The following IGSF11 variants were observed in gnomAD, a reference collection of about 807,000 sequenced individuals.
IGSF11 encodes immunoglobulin superfamily member 11.
In IGSF11, 22 loss-of-function variants were observed where a neutral mutation model predicts 41.0. That is an observed-to-expected ratio of 0.54 (90% CI 0.38 to 0.77). The LOEUF (loss-of-function observed/expected upper bound fraction) is 0.77. Among genes scored for constraint, IGSF11 ranks in the 30% least tolerant of loss-of-function variants. IGSF11 has a pLI of 0.00. For synonymous variants in IGSF11, 219 were observed against 201.3 expected (o/e 1.09, Z -0.74); for missense variants, 444 against 530.8 (o/e 0.84, Z 1.61).
At chr3:119,138,387 C>T (rs2077592190) in intron 1 of IGSF11, among the ~76,000 whole-genome samples, 1 of 152,076 alleles carries the variant, frequency 6.6e-6, no homozygotes, top group Non-Finnish European at 1.5e-5. Flanking sequence ...ACCACTTAGC[C>T]ATAAAAAACG....
intron 4 of IGSF11, among the ~76,000 whole-genome samples, chr3:118,919,301 C>G (rs1384794203): frequency 8.6e-5 from 12 of 139,912 alleles, no homozygotes; most frequent in East Asian, 2.1e-4. Context: ...GCAAAAGAAA[C>G]TACCATCAGA....
chr3:119,087,074 G>A (rs994343411), intron 1 of IGSF11, among the ~76,000 whole-genome samples: 6 of 152,030 alleles, frequency 3.9e-5, no homozygotes, highest in South Asian at 4.1e-4. Flanking sequence ...ACATGGAAAC[G>A]GAAAGTAAAA....
intron 1 of IGSF11, among the ~76,000 whole-genome samples, chr3:119,052,194 T>G (rs1202112979): frequency 6.6e-6 from 1 of 152,074 alleles, no homozygotes; most frequent in Non-Finnish European, 1.5e-5. Flanking sequence ...AAAAGATGGT[T>G]CTTGGCTGGG....
At chr3:119,112,999 G>T (rs1033959242) in intron 1 of IGSF11, among the ~76,000 whole-genome samples, 3 of 152,130 alleles carry the variant, frequency 2.0e-5, no homozygotes, top group Admixed American at 6.5e-5. Context: ...AGAGAACAAA[G>T]GGGGAGGTGC....
intron 1 of IGSF11, among the ~76,000 whole-genome samples, chr3:119,000,871 A>C (rs1315014615): frequency 6.6e-6 from 1 of 152,050 alleles, no homozygotes; most frequent in East Asian, 1.9e-4. Flanking sequence ...AGATCATATC[A>C]CTCGGTTGTA....
chr3:118,974,109 A>T (rs1165473534), intron 1 of IGSF11, among the ~76,000 whole-genome samples: 1 of 152,072 alleles, frequency 6.6e-6, no homozygotes, highest in East Asian at 1.9e-4. Flanking sequence ...ACTTTAAATT[A>T]AATTTAATTA....
intron 1 of IGSF11, among the ~76,000 whole-genome samples, chr3:119,023,724 A>G (rs1939543822): frequency 6.6e-6 from 1 of 152,342 alleles, no homozygotes; most frequent in South Asian, 2.1e-4. Flanking sequence ...GAAAAGGACT[A>G]GGAGAATGGA....
chr3:118,972,140 C>T (rs538883254), intron 1 of IGSF11, among the ~76,000 whole-genome samples: 7 of 152,332 alleles, frequency 4.6e-5, no homozygotes, highest in Admixed American at 3.9e-4. Context: ...GCTCTCACTA[C>T]ATCTTGACCT....
chr3:119,105,254 T>C (rs955030605), upstream of IGSF11: 1 of 1,051,398 alleles, frequency 9.5e-7, no homozygotes, highest in Non-Finnish European at 1.4e-6. Flanking sequence ...CATCATAACA[T>C]TATATGTATT....
exon 1 of IGSF11, chr3:119,145,997 T>G (rs1329776387): frequency 1.4e-5 from 8 of 584,970 alleles, no homozygotes; most frequent in Non-Finnish European, 2.4e-5. Context: ...TGCGCTCGCC[T>G]GCACACTGCA....
At chr3:118,903,532 T>C (rs1249951074) in intron 6 of IGSF11, among the ~76,000 whole-genome samples, 1 of 152,158 alleles carries the variant, frequency 6.6e-6, no homozygotes, top group Non-Finnish European at 1.5e-5. Context: ...TATTACCCTT[T>C]GGAGTTTGAG....
chr3:118,906,312 G>A (rs1432810288), intron 4 of IGSF11, among the ~76,000 whole-genome samples: 2 of 152,040 alleles, frequency 1.3e-5, no homozygotes, highest in Non-Finnish European at 2.9e-5. Flanking sequence ...CTCAGACTTC[G>A]GTGTAGATCT....
chr3:119,041,108 G>A (rs888238014), intron 1 of IGSF11, among the ~76,000 whole-genome samples: 1 of 151,886 alleles, frequency 6.6e-6, no homozygotes, highest in African/African-American at 2.4e-5. Flanking sequence ...AAATAAAATA[G>A]GTCTAAAGGA....
intron 1 of IGSF11, among the ~76,000 whole-genome samples, chr3:119,096,504 A>G (rs1314468881): frequency 6.6e-6 from 1 of 152,110 alleles, no homozygotes; most frequent in Non-Finnish European, 1.5e-5. Flanking sequence ...GGAGAAAAGC[A>G]ACTGAACTAC....
At chr3:118,936,706 G>A (rs1271140776) in intron 1 of IGSF11, among the ~76,000 whole-genome samples, 1 of 152,038 alleles carries the variant, frequency 6.6e-6, no homozygotes, top group African/African-American at 2.4e-5. Flanking sequence ...TTTCCTCTGA[G>A]GAGTTAAAGT....
intron 1 of IGSF11, among the ~76,000 whole-genome samples, chr3:118,988,141 G>A (rs1301025288): frequency 2.0e-5 from 3 of 152,090 alleles, no homozygotes; most frequent in African/African-American, 7.2e-5. Flanking sequence ...AGATGAATAA[G>A]GTATCTTTGA....
chr3:119,080,771 A>C (rs1016941071), intron 1 of IGSF11, among the ~76,000 whole-genome samples: 1 of 152,192 alleles, frequency 6.6e-6, no homozygotes, highest in African/African-American at 2.4e-5. Flanking sequence ...GCTAATTGTA[A>C]CTTTCTTATC....
At chr3:119,081,560 C>A (rs2076586918) in intron 1 of IGSF11, among the ~76,000 whole-genome samples, 1 of 152,146 alleles carries the variant, frequency 6.6e-6, no homozygotes, top group African/African-American at 2.4e-5. Context: ...AAAAGCGTTT[C>A]TTTTCTAACA....
chr3:118,981,080 T>C (rs1042961535), intron 1 of IGSF11, among the ~76,000 whole-genome samples: 3 of 152,250 alleles, frequency 2.0e-5, no homozygotes, highest in African/African-American at 7.2e-5. Flanking sequence ...CAAGGATCAC[T>C]TGTGTTTATG....
Sources: gnomAD v4.1 joint callset for allele counts (sites outside exome capture counted in the v4.1 genomes callset) on GRCh38, gnomAD v4.1.1 for gene constraint, MANE v1.5 for transcripts, NCBI Gene and HGNC (gene_info 2026-07-23, HGNC 2026-07-21) for gene names.